The following SYNE1 variants were observed in gnomAD, a reference collection of about 807,000 sequenced individuals.
SYNE1 encodes nesprin-1.
In SYNE1, 616 loss-of-function variants were observed where a neutral mutation model predicts 1,111.0. That is an observed-to-expected ratio of 0.55 (90% CI 0.52 to 0.59). SYNE1 has a LOEUF of 0.59. SYNE1 is among the 20% of genes least tolerant of loss of function. The pLI, the probability that SYNE1 is intolerant of heterozygous loss-of-function variation, is 0.00. For missense variants in SYNE1, 10,006 were observed against 10,417.0 expected (o/e 0.96, Z 1.72); for synonymous variants, 3,855 against 3,825.8 (o/e 1.01, Z -0.28).
At chr6:152,622,634 A>T (rs1436103805) in intron 3 of SYNE1, among the ~76,000 whole-genome samples, 3 of 152,158 alleles carry the variant, frequency 2.0e-5, no homozygotes, top group Non-Finnish European at 4.4e-5. Flanking sequence ...TCCATGGCAT[A>T]TATGTACCAC....
In SYNE1 at chr6:152,412,062, T is replaced by C. The variant is rs370004061; in HGVS notation, c.6230+1290A>G. ...ATCATCCAAACTGGAAAGAACCCAA[T>C]TGTCCATCAACTAGTAAATGAATAA... is the stretch of plus-strand genomic sequence containing the variant. On this transcript the variant is annotated intron_variant, in intron 42 of 145. Coordinates refer to ENST00000367255, the MANE Select transcript of SYNE1 (RefSeq NM_182961.4). Among the ~76,000 whole-genome samples the C allele has an allele frequency of 1.7e-4, 26 of 152,258 alleles. No homozygotes were observed. The East Asian group carries it at 4.4e-3, about 26-fold the overall frequency.
intron 73 of SYNE1, among the ~76,000 whole-genome samples, chr6:152,345,935 T>C (rs1305693643): frequency 6.6e-6 from 1 of 152,164 alleles, no homozygotes; most frequent in Non-Finnish European, 1.5e-5. Context: ...AAATTCTATA[T>C]GAATGCAAAC....
At chr6:152,544,421 A>C (rs1358317) in intron 3 of SYNE1, among the ~76,000 whole-genome samples, 1 of 152,038 alleles carries the variant, frequency 6.6e-6, no homozygotes, top group Non-Finnish European at 1.5e-5. Context: ...CTTGAGGCTC[A>C]CATTGCTTGT....
chr6:152,368,623 T>C (rs1049895522), intron 61 of SYNE1: 1 of 243,682 alleles, frequency 4.1e-6, no homozygotes, highest in Non-Finnish European at 8.2e-6. Context: ...CTGGGATTAT[T>C]TAGAACAAAA....
chr6:152,625,378 G>A (rs982142030), intron 3 of SYNE1, among the ~76,000 whole-genome samples: 1 of 152,204 alleles, frequency 6.6e-6, no homozygotes, highest in South Asian at 2.1e-4. Context: ...AATTAATCCA[G>A]CTGATCAATT....
At chr6:152,462,110 T>G (rs949386826) in intron 20 of SYNE1, among the ~76,000 whole-genome samples, 3 of 149,058 alleles carry the variant, frequency 2.0e-5, no homozygotes, top group African/African-American at 7.4e-5. Context: ...AAAAAAAAAG[T>G]AACTCATTGC....
At chr6:152,387,008 A>C in intron 54 of SYNE1, 64 bp downstream of exon 54, 2 of 1,339,798 alleles carry the variant, frequency 1.5e-6, no homozygotes, top group Non-Finnish European at 2.0e-6. Context: ...TTATATTATT[A>C]ATATAAATCA....
At chr6:152,377,779 T>G (rs189389069) in intron 56 of SYNE1, among the ~76,000 whole-genome samples, 1 of 151,258 alleles carries the variant, frequency 6.6e-6, no homozygotes, top group Admixed American at 6.6e-5. Flanking sequence ...AGTAATTCAT[T>G]TATTTCATAG....
At position 152,404,256 on chromosome 6, in the gene SYNE1, A is replaced by T; in HGVS notation, c.6782T>A (p.Leu2261Gln). 6.2e-7 allele frequency: 1 copy of T among 1,613,194 alleles called. No individual in the cohort carries two copies. Among genetic ancestry groups the T allele is most frequent in the Non-Finnish European group, 8.5e-7 (1 of 1,179,756 alleles). The change falls in exon 46 of 146, where the codon CTG (leucine) becomes CAG (glutamine). Residue 2261 changes from leucine to glutamine, a missense_variant. Transcript: ENST00000367255. ...TTCTAGATTTTTAGTTAATTCTTTC[A>T]GATCATTAACTTTGGAATGCAGTTC... The part of the protein sequence containing the change: ...LEELHSKVND[L>Q]KELTKNLETP...
intron 130 of SYNE1, among the ~76,000 whole-genome samples, chr6:152,173,042 A>G (rs2065586794): frequency 6.6e-6 from 1 of 152,234 alleles, no homozygotes; most frequent in African/African-American, 2.4e-5. Context: ...CAGATCTAGA[A>G]AGTATGGAAA....
intron 65 of SYNE1, 62 bp from the exon 66 acceptor site, chr6:152,358,599 C>G: frequency 6.5e-7 from 1 of 1,534,926 alleles, no homozygotes; most frequent in Non-Finnish European, 9.0e-7. Flanking sequence ...CATCAGTGTG[C>G]TGTAATTCAC....
intron 107 of SYNE1, among the ~76,000 whole-genome samples, chr6:152,239,973 G>C (rs1007339593): frequency 6.6e-6 from 1 of 152,298 alleles, no homozygotes; most frequent in Non-Finnish European, 1.5e-5. Flanking sequence ...CACAAGAATC[G>C]CTTGAACCTG....
intron 128 of SYNE1, among the ~76,000 whole-genome samples, chr6:152,186,555 TC>T (rs2070035997): frequency 9.2e-5 from 4 of 43,328 alleles, no homozygotes; most frequent in Admixed American, 4.2e-4. Context: ...CAGCTCTGTG[TC>T]AAAAAAAAAA....
chr6:152,510,463 T>C (rs1438084891), intron 7 of SYNE1, 92 bp from the exon 8 acceptor site: 8 of 1,421,106 alleles, frequency 5.6e-6, no homozygotes, highest in Middle Eastern at 2.4e-4. Flanking sequence ...AAATGAGTTA[T>C]GTTAACACTC....
At chr6:152,319,283 C>T (rs2095813414) in intron 84 of SYNE1, among the ~76,000 whole-genome samples, 1 of 152,208 alleles carries the variant, frequency 6.6e-6, no homozygotes, top group Non-Finnish European at 1.5e-5. Flanking sequence ...ACAGAATACT[C>T]ATTATAGATG....
At chr6:152,489,788 G>A (rs961626950) in intron 11 of SYNE1, among the ~76,000 whole-genome samples, 4 of 152,098 alleles carry the variant, frequency 2.6e-5, no homozygotes, top group African/African-American at 9.7e-5. Flanking sequence ...TATGCCAGTG[G>A]TTCTCTCACT....
chr6:152,157,598 T>C (rs918915449), intron 131 of SYNE1, among the ~76,000 whole-genome samples: 1 of 152,098 alleles, frequency 6.6e-6, no homozygotes, highest in Non-Finnish European at 1.5e-5. Context: ...AAATAATAAA[T>C]ACCAGAGGTG....
chr6:152,591,185 C>T (rs2099561831), intron 3 of SYNE1, among the ~76,000 whole-genome samples: 1 of 152,050 alleles, frequency 6.6e-6, no homozygotes, highest in Admixed American at 6.6e-5. Context: ...TCACTCTCAG[C>T]CCAGATGTTG....
chr6:152,570,933 C>T (rs1272593873), intron 3 of SYNE1, among the ~76,000 whole-genome samples: 2 of 152,126 alleles, frequency 1.3e-5, no homozygotes, highest in Non-Finnish European at 2.9e-5. Flanking sequence ...GAGGAATTCA[C>T]GAGACTGCCC....
Sources: allele counts gnomAD v4.1 joint callset (sites outside exome capture counted in the v4.1 genomes callset), GRCh38; gene constraint gnomAD v4.1.1; transcripts MANE v1.5; gene names NCBI Gene and HGNC (gene_info 2026-07-23, HGNC 2026-07-21).